Variants in WNT8A observed in about 807,000 individuals in gnomAD.
WNT8A encodes Wnt family member 8A.
A neutral mutation model predicts 20.5 loss-of-function variants in WNT8A; 14 were observed. The observed-to-expected ratio is 0.68, with a 90% CI of 0.45 to 1.07. WNT8A has a LOEUF of 1.07. Among genes scored for constraint, WNT8A ranks in the 50% least tolerant of loss-of-function variants. WNT8A has a pLI of 0.00. For synonymous variants in WNT8A, 167 were observed against 169.2 expected, an observed-to-expected ratio of 0.99 and a Z score of 0.10; for missense variants, 397 against 462.9, an observed-to-expected ratio of 0.86 and a Z score of 1.31.
downstream of WNT8A, chr5:138,092,169 C>T (rs1205088566): frequency 6.6e-6 from 1 of 152,130 alleles, no homozygotes; most frequent in African/African-American, 2.4e-5. Context: ...CCTTTGGAAA[C>T]CTTAAGATCA....
intron 4 of WNT8A, 91 bp downstream of exon 4, chr5:138,089,160 C>T (rs1581362059): frequency 1.3e-6 from 2 of 1,506,056 alleles, no homozygotes; most frequent in East Asian, 4.6e-5. Flanking sequence ...ACGTTCTTTC[C>T]TCATACTACC....
chr5:138,090,977 T>C lies in WNT8A; in HGVS notation c.1014T>C (p.Cys338=). 1 of 1,614,164 alleles carries C rather than the reference T, an allele frequency of 6.2e-7. No homozygotes were observed. The highest frequency in any genetic ancestry group is 8.5e-7 in the Non-Finnish European group (1 of 1,180,030). The part of the protein sequence containing the change: ...SSCNCKFQWC[C]TVKCDQCRHV... ...GTAACTGCAAATTCCAGTGGTGCTG[T>C]ACGGTCAAGTGTGACCAGTGTAGGC... The change falls in exon 5 of 5, where the codon TGT becomes TGC. Residue 338 remains cysteine (C), a synonymous_variant. Transcript: ENST00000506684.
In WNT8A at chr5:138,090,588, A is replaced by G; in HGVS notation, c.625A>G (p.Ile209Val). ...KCHGISGSCS[I>V]QTCWLQLAEF... ...TCATGGCATCTCTGGGAGCTGCAGC[A>G]TACAGACATGCTGGCTGCAGCTGGC... The change falls in exon 5 of 5, where the codon ATA becomes GTA. Residue 209 changes from isoleucine (I) to valine (V), a missense_variant. Transcript: ENST00000506684. 1.9e-6 allele frequency: 3 copies of G among 1,614,234 alleles called. No homozygotes were observed. In the South Asian group the frequency reaches 3.3e-5, roughly 18 times the overall value.
At chr5:138,087,642 C>T (rs1219443561) in intron 2 of WNT8A, among the ~76,000 whole-genome samples, 164 bp from the exon 3 acceptor site, 2 of 77,960 alleles carry the variant, frequency 2.6e-5, no homozygotes, top group East Asian at 4.3e-4. Context: ...GGTGACAGAG[C>T]GAGTCTCAAA....
At chr5:138,080,313 CCTT>C (rs1461611481), upstream of WNT8A, among the ~76,000 whole-genome samples, 9 of 146,830 alleles carry the variant, frequency 6.1e-5, no homozygotes, top group Admixed American at 2.0e-4. Context: ...GACAGAGACT[CCTT>C]CTCAAAAAAA....
At position 138,088,420 on chromosome 5, in the gene WNT8A, G is replaced by C. The variant is rs911551182; in HGVS notation, c.421+489G>C. ...CGACTAGGCTGGAGTGCAGTGGCGC[G>C]ATCTCAGCTCACTGCAAACTCCACC... On this transcript the variant is annotated intron_variant, in intron 3 of 4. Coordinates refer to ENST00000506684, the MANE Select transcript of WNT8A (RefSeq NM_001300939.2). Among the ~76,000 whole-genome samples, 7 of 149,688 alleles carry C rather than the reference G, an allele frequency of 4.7e-5. No individual in the cohort carries two copies. In the Admixed American group the frequency reaches 4.7e-4, roughly 10 times the overall value.
intron 4 of WNT8A, among the ~76,000 whole-genome samples, chr5:138,090,145 T>A (rs1207362553): frequency 1.3e-5 from 2 of 152,218 alleles, no homozygotes; most frequent in East Asian, 1.9e-4. Context: ...GTTTCCTTTA[T>A]AATTTACATA....
intron 4 of WNT8A, 106 bp from the exon 5 acceptor site, chr5:138,090,422 A>G: frequency 9.7e-7 from 1 of 1,033,280 alleles, no homozygotes; most frequent in Non-Finnish European, 1.4e-6. Flanking sequence ...AATAATTCTG[A>G]TGCTCCTTTA....
the WNT8A span, among the ~76,000 whole-genome samples, chr5:138,078,918 TG>T: frequency 6.6e-6 from 1 of 152,168 alleles, no homozygotes; most frequent in African/African-American, 2.4e-5. Flanking sequence ...ACATTAGAGG[TG>T]GAAGGGGTCT....
intron 4 of WNT8A, among the ~76,000 whole-genome samples, chr5:138,089,641 G>A (rs936696738): frequency 6.6e-6 from 1 of 152,148 alleles, no homozygotes; most frequent in Non-Finnish European, 1.5e-5. Context: ...GGTTGCCCAG[G>A]GAAAGGGGGA....
In WNT8A at chr5:138,087,877, A is replaced by G; in HGVS notation, c.367A>G (p.Ser123Gly). 1.2e-6 allele frequency: 2 copies of G among 1,614,110 alleles called. No individual in the cohort carries two copies. Among genetic ancestry groups the G allele is most frequent in the Non-Finnish European group, 1.7e-6 (2 of 1,179,960 alleles). ...GVMYIITKNC[S>G]MGDFENCGCD... ...CATGTACATCATCACCAAGAACTGT[A>G]GCATGGGTGACTTCGAAAACTGTGG... Residue 123 changes from serine to glycine, a missense_variant, in exon 3 of 5, where the codon AGC becomes GGC. Transcript: ENST00000506684.
At chr5:138,088,799 A>C in intron 3 of WNT8A, 128 bp from the exon 4 acceptor site, 1 of 1,316,178 alleles carries the variant, frequency 7.6e-7, no homozygotes, top group South Asian at 1.5e-5. Flanking sequence ...ACCCACCCCA[A>C]GCACCTCCAT....
At chr5:138,088,592 G>A (rs1750746772) in intron 3 of WNT8A, among the ~76,000 whole-genome samples, 1 of 152,024 alleles carries the variant, frequency 6.6e-6, no homozygotes, top group African/African-American at 2.4e-5. Context: ...TCCTGACCTC[G>A]TGATCCGCCT....
chr5:138,083,818 G>A (rs901068139), upstream of WNT8A: 1 of 398,024 alleles, frequency 2.5e-6, no homozygotes, highest in Non-Finnish European at 4.5e-6. Flanking sequence ...TAGGAGAAAA[G>A]CAGCCTCCTT....
chr5:138,083,888 AC>A (rs1180175513), upstream of WNT8A: 3 of 497,248 alleles, frequency 6.0e-6, no homozygotes, highest in Non-Finnish European at 1.0e-5. Context: ...TTTGGCGAAA[AC>A]TGAGTCCCTC....
chr5:138,080,025 T>C (rs1446717465), upstream of WNT8A, among the ~76,000 whole-genome samples: 1 of 152,072 alleles, frequency 6.6e-6, no homozygotes, highest in Non-Finnish European at 1.5e-5. Context: ...GATTCAAAGA[T>C]GTATAAGATA....
In WNT8A at chr5:138,091,287, C is replaced by T; in HGVS notation, c.*214C>T. On this transcript the variant is annotated 3_prime_UTR_variant, in exon 5 of 5. Transcript: ENST00000506684. Reference sequence around the variant, plus strand: ...TGGAACCTGGGCCTCCTGACTTTGGCAGACCCCCATTTCATCTTTCCTGCA... The same window carrying T: ...TGGAACCTGGGCCTCCTGACTTTGGTAGACCCCCATTTCATCTTTCCTGCA... 1 of 1,560,112 alleles carries T rather than the reference C, an allele frequency of 6.4e-7. No individual in the cohort carries two copies. Among genetic ancestry groups the T allele is most frequent in the Middle Eastern group, 1.9e-4 (1 of 5,254 alleles).
In WNT8A at chr5:138,090,874, A is replaced by G; in HGVS notation, c.911A>G (p.Glu304Gly). 2 of 1,614,188 alleles carry G rather than the reference A, an allele frequency of 1.2e-6. No individual in the cohort carries two copies. The highest frequency in any genetic ancestry group is 1.7e-6 in the Non-Finnish European group (2 of 1,180,030). The change falls in exon 5 of 5, where the codon GAG becomes GGG. Residue 304 changes from glutamate to glycine, a missense_variant. Glu to Gly is a moderately conservative substitution (Grantham distance 98, BLOSUM62 -2). Transcript: ENST00000506684. The part of the protein sequence containing the change: ...LQNSHNTSRW[E>G]RRSCGRLCTE... ...AACAGCCACAACACATCCAGGTGGG[A>G]GCGACGTAGCTGTGGGCGCCTGTGC... is the stretch of plus-strand genomic sequence containing the variant.
In WNT8A at chr5:138,090,677, G is replaced by A; in HGVS notation, c.714G>A (p.Met238Ile). 6.2e-7 allele frequency: 1 copy of A among 1,614,216 alleles called. No homozygotes were observed. The highest frequency in any genetic ancestry group is 1.1e-5 in the South Asian group (1 of 91,084). Residue 238 changes from methionine (M) to isoleucine (I), a missense_variant, in exon 5 of 5, where the codon ATG becomes ATA. Met to Ile is a conservative substitution (Grantham distance 10). Transcript: ENST00000506684. ...AKYDQALKIE[M>I]DKRQLRAGNS... ...ATGACCAGGCGCTGAAAATTGAAATGGATAAGCGGCAGCTGAGAGCTGGGA... is the reference window on the plus strand; with the variant it reads ...ATGACCAGGCGCTGAAAATTGAAATAGATAAGCGGCAGCTGAGAGCTGGGA...
Sources: allele counts gnomAD v4.1 joint callset (sites outside exome capture counted in the v4.1 genomes callset), GRCh38; gene constraint gnomAD v4.1.1; transcripts MANE v1.5; gene names NCBI Gene and HGNC (gene_info 2026-07-23, HGNC 2026-07-21).